Variants in CDH22 observed in about 807,000 individuals in gnomAD.
The protein encoded by CDH22 is cadherin-22.
CDH22 carries 30 observed loss-of-function variants against 58.4 expected under a neutral mutation model. That is an observed-to-expected ratio of 0.51 (90% CI 0.38 to 0.70). The LOEUF is 0.70. CDH22 is among the 30% of genes least tolerant of loss of function. The probability of loss-of-function intolerance (pLI) is 0.00; values close to 1 mark genes in which losing one functional copy is unlikely to be tolerated. For missense variants in CDH22, 1,014 were observed against 1,233.9 expected (o/e 0.82, Z 2.67); for synonymous variants, 513 against 558.2 (o/e 0.92, Z 1.14).
chr20:46,271,118 A>C (rs1205295519), intron 1 of CDH22, among the ~76,000 whole-genome samples: 3 of 152,334 alleles, frequency 2.0e-5, no homozygotes, highest in African/African-American at 4.8e-5. Context: ...CTGTTTGTGG[A>C]GGCTGTACCA....
intron 10 of CDH22, among the ~76,000 whole-genome samples, chr20:46,181,571 G>T (rs2085783874): frequency 6.6e-6 from 1 of 150,648 alleles, no homozygotes; most frequent in African/African-American, 2.4e-5. Context: ...AAGGAATTTG[G>T]GTCATTTTCC....
chr20:46,202,029 G>A (rs1327883493), intron 7 of CDH22, among the ~76,000 whole-genome samples: 1 of 152,178 alleles, frequency 6.6e-6, no homozygotes, highest in Non-Finnish European at 1.5e-5. Flanking sequence ...TTATGAGGCT[G>A]ATGTGATCTC....
Position 46,174,157 on chromosome 20 carries a change from GC to G in CDH22, c.*348del, listed in dbSNP as rs1440831253. On this transcript the variant is annotated 3_prime_UTR_variant, in exon 12 of 12. Coordinates refer to ENST00000537909, the MANE Select transcript of CDH22 (RefSeq NM_021248.3). The surrounding 1 kb of genome is among the most constrained non-coding windows in gnomAD (Gnocchi z 4.4). ...AACCTGGGGTGGGGGCATCTCAGCGGCGTGCTCCCTCCAGCATTCTCCCCCA... is the reference window on the plus strand; with the variant it reads ...AACCTGGGGTGGGGGCATCTCAGCGGGTGCTCCCTCCAGCATTCTCCCCCA... 1 of 326,606 alleles carries G rather than the reference GC, an allele frequency of 3.1e-6. No individual in the cohort carries two copies. The highest frequency in any genetic ancestry group is 5.5e-6 in the Non-Finnish European group (1 of 180,766). 20.2% of individuals were successfully genotyped at this position (326,606 alleles called of 1,614,324 possible).
chr20:46,217,206 A>G (rs1193526424), intron 4 of CDH22, among the ~76,000 whole-genome samples: 1 of 151,984 alleles, frequency 6.6e-6, no homozygotes, highest in Non-Finnish European at 1.5e-5. Flanking sequence ...AGATACAGAT[A>G]CACATGCCCA....
In CDH22 at chr20:46,174,432, G is replaced by A. The variant is rs2085719191; in HGVS notation, c.*74C>T. Reference sequence around the variant, plus strand: ...GAGGGCAGGAAAGGGGGTCCGCGGGGGAAACGCGTTGTCCTGGGGCCCCGG... The same window carrying A: ...GAGGGCAGGAAAGGGGGTCCGCGGGAGAAACGCGTTGTCCTGGGGCCCCGG... On this transcript the variant is annotated 3_prime_UTR_variant, in exon 12 of 12. Coordinates refer to ENST00000537909, the MANE Select transcript of CDH22 (RefSeq NM_021248.3). The surrounding 1 kb of genome is among the most constrained non-coding windows in gnomAD (Gnocchi z 4.4). 9.3e-7 allele frequency: 1 copy of A among 1,074,778 alleles called. No homozygotes were observed. Among genetic ancestry groups the A allele is most frequent in the Non-Finnish European group, 1.3e-6 (1 of 794,414 alleles). 66.6% of individuals were successfully genotyped at this position (1,074,778 alleles called of 1,614,324 possible).
At chr20:46,211,876 A>C (rs1426951893) in intron 6 of CDH22, among the ~76,000 whole-genome samples, 3 of 151,914 alleles carry the variant, frequency 2.0e-5, no homozygotes, top group Non-Finnish European at 4.4e-5. Flanking sequence ...GCCTTGGGAA[A>C]GTTACCGAAC....
chr20:46,204,417 A>AAAAAG (rs1380356797), intron 7 of CDH22, among the ~76,000 whole-genome samples: 11 of 113,816 alleles, frequency 9.7e-5, no homozygotes, highest in African/African-American at 3.9e-4. Context: ...AAAAAAAAAA[A>AAAAAG]AGAGAGAGAG....
chr20:46,264,629 C>G (rs1052966241), intron 1 of CDH22, among the ~76,000 whole-genome samples: 7 of 152,124 alleles, frequency 4.6e-5, no homozygotes, highest in African/African-American at 1.7e-4. Flanking sequence ...CAAACAGGCT[C>G]TGGCAGTGGG....
At chr20:46,250,393 A>T (rs2145736797) in intron 2 of CDH22, among the ~76,000 whole-genome samples, 1 of 152,344 alleles carries the variant, frequency 6.6e-6, no homozygotes, top group African/African-American at 2.4e-5. Flanking sequence ...CTCACGGGGG[A>T]TGTGACAGCA....
At chr20:46,179,172 T>A (rs930909944) in intron 10 of CDH22, among the ~76,000 whole-genome samples, 5 of 152,252 alleles carry the variant, frequency 3.3e-5, no homozygotes, top group Admixed American at 6.5e-5. Context: ...GTTCTGCACA[T>A]GCAGGGGTAC....
chr20:46,227,416 A>T, intron 4 of CDH22, 92 bp downstream of exon 4: 1 of 1,238,678 alleles, frequency 8.1e-7, no homozygotes, highest in Non-Finnish European at 1.1e-6. Context: ...CTGGGACAGA[A>T]GGCTCAGAGC....
chr20:46,216,784 C>T lies in CDH22; in HGVS notation c.838+42G>A, dbSNP rs756362808. 9.6e-6 allele frequency: 15 copies of T among 1,569,348 alleles called. No individual in the cohort carries two copies. The East Asian group carries it at 3.4e-4, about 36-fold the overall frequency. On this transcript the variant is annotated intron_variant, in intron 5 of 11. Transcript: ENST00000537909. This position sits in a 1 kb window ranked among gnomAD's most constrained non-coding sequence, Gnocchi z 5.3. ...CAGGTGGCTTGGATGGGGTAACAGA[C>T]AGACACACAGACGCGCCTTCCTCTG...
intron 1 of CDH22, among the ~76,000 whole-genome samples, chr20:46,260,975 C>T (rs2086430518): frequency 6.6e-6 from 1 of 152,168 alleles, no homozygotes; most frequent in African/African-American, 2.4e-5. Context: ...GGCTTCTGCA[C>T]CCCTGCCTCC....
At chr20:46,276,818 C>T (rs1390363839) in intron 1 of CDH22, among the ~76,000 whole-genome samples, 1 of 85,106 alleles carries the variant, frequency 1.2e-5, no homozygotes, top group Admixed American at 1.3e-4. Context: ...AGGGAAGATG[C>T]CAGATCCACA....
chr20:46,289,636 A>G (rs141310295), intron 1 of CDH22, among the ~76,000 whole-genome samples: 2 of 152,324 alleles, frequency 1.3e-5, no homozygotes, highest in African/African-American at 4.8e-5. Flanking sequence ...GTGCTCATCA[A>G]ATGTTTGAAT....
Position 46,174,848 on chromosome 20 carries a change from G to GCC in CDH22, c.2143_2144dup (p.Gly716AlafsTer189). 4.1e-6 allele frequency: 2 copies of GCC among 484,614 alleles called. No individual in the cohort carries two copies. Among genetic ancestry groups the GCC allele is most frequent in the Non-Finnish European group, 5.7e-6 (2 of 349,392 alleles). 30.0% of individuals were successfully genotyped at this position (484,614 alleles called of 1,614,324 possible). A position where few individuals can be genotyped will look rare whatever the true frequency, so the allele number is the denominator to read the frequency against. ...CCTGCGGGGGGCTGCCCGCGCCCCC[G>GCC]CCCGAGCCCCCGCCCGCTCCCCCGC... On this transcript the variant is annotated frameshift_variant, in exon 12 of 12. Coordinates refer to ENST00000537909, the MANE Select transcript of CDH22 (RefSeq NM_021248.3). LOFTEE classifies it low-confidence loss of function (END_TRUNC). This position sits in a 1 kb window ranked among gnomAD's most constrained non-coding sequence, Gnocchi z 4.4.
intron 1 of CDH22, among the ~76,000 whole-genome samples, chr20:46,283,604 A>G (rs2086560782): frequency 1.3e-5 from 2 of 152,170 alleles, no homozygotes; most frequent in Non-Finnish European, 2.9e-5. Context: ...AGTCAGCGGC[A>G]GGGAATCCAG....
rs1004008480 is a variant in CDH22, at chr20:46,275,401, C to A, written c.-399-23708G>T. Among the ~76,000 whole-genome samples, 4 of 152,352 alleles carry A rather than the reference C, an allele frequency of 2.6e-5. No individual in the cohort carries two copies. In the East Asian group the frequency reaches 7.7e-4, roughly 29 times the overall value. ...AATGAAAAGCAACCCGACCACTCCACCTAAAATCACAGCCCCTCTCCAAGG... is the reference window on the plus strand; with the variant it reads ...AATGAAAAGCAACCCGACCACTCCAACTAAAATCACAGCCCCTCTCCAAGG... On this transcript the variant is annotated intron_variant, in intron 1 of 11. Coordinates refer to ENST00000537909, the MANE Select transcript of CDH22 (RefSeq NM_021248.3).
chr20:46,265,555 A>G (rs1034212653), intron 1 of CDH22, among the ~76,000 whole-genome samples: 48 of 152,028 alleles, frequency 3.2e-4, no homozygotes, highest in African/African-American at 1.1e-3. Flanking sequence ...AGTTCCTTGC[A>G]TTTCCTTATT....
Sources: allele counts gnomAD v4.1 joint callset (sites outside exome capture counted in the v4.1 genomes callset), GRCh38; gene constraint gnomAD v4.1.1; non-coding constraint Gnocchi (gnomAD v3.1); transcripts MANE v1.5; gene names NCBI Gene and HGNC (gene_info 2026-07-23, HGNC 2026-07-21).